The following DYNC1I1 variants were observed in gnomAD, a reference collection of about 807,000 sequenced individuals.
DYNC1I1 encodes the protein dynein cytoplasmic 1 intermediate chain 1, also known as cytoplasmic dynein 1 intermediate chain 1.
Under a neutral mutation model 86.6 loss-of-function variants are expected in DYNC1I1, and 43 were observed. The ratio of observed to expected loss-of-function variants is 0.50; its 90% confidence interval spans 0.39 to 0.64. DYNC1I1 has a LOEUF of 0.64. Ranked by LOEUF, DYNC1I1 falls within the 30% of genes least tolerant of loss-of-function variation. The probability of loss-of-function intolerance (pLI) is 0.00; values close to 1 mark genes in which losing one functional copy is unlikely to be tolerated. For synonymous variants in DYNC1I1, 262 were observed against 283.7 expected (o/e 0.92, Z 0.77); for missense variants, 604 against 788.8 (o/e 0.77, Z 2.81).
chr7:95,927,324 C>T (rs1791772447), intron 6 of DYNC1I1, among the ~76,000 whole-genome samples: 1 of 152,054 alleles, frequency 6.6e-6, no homozygotes, highest in African/African-American at 2.4e-5. Flanking sequence ...AGGTGACCGT[C>T]CATACAATGA....
chr7:96,068,120 A>G (rs551792366), intron 14 of DYNC1I1, among the ~76,000 whole-genome samples: 1 of 152,276 alleles, frequency 6.6e-6, no homozygotes, highest in African/African-American at 2.4e-5. Flanking sequence ...ACCCATAATT[A>G]ATACTAGACT....
At chr7:95,882,196 A>G (rs1790471299) in intron 6 of DYNC1I1, among the ~76,000 whole-genome samples, 1 of 152,158 alleles carries the variant, frequency 6.6e-6, no homozygotes, top group Non-Finnish European at 1.5e-5. Flanking sequence ...GTGAAGATAA[A>G]ATGACAAAAT....
At chr7:95,992,334 T>C (rs538886162) in intron 9 of DYNC1I1, among the ~76,000 whole-genome samples, 1 of 152,336 alleles carries the variant, frequency 6.6e-6, no homozygotes, top group Non-Finnish European at 1.5e-5. Context: ...TTACCTGTCA[T>C]GGTGCCTTAC....
At chr7:95,984,448 G>C (rs1793532477) in intron 7 of DYNC1I1, among the ~76,000 whole-genome samples, 1 of 151,802 alleles carries the variant, frequency 6.6e-6, no homozygotes, top group African/African-American at 2.4e-5. Context: ...TAGCATAATA[G>C]CATATATAAA....
chr7:95,916,832 C>T (rs1791483390), intron 6 of DYNC1I1, among the ~76,000 whole-genome samples: 1 of 152,190 alleles, frequency 6.6e-6, no homozygotes, highest in Non-Finnish European at 1.5e-5. Context: ...CTTTCAAAAA[C>T]ATGGAAATTA....
chr7:95,915,514 G>T (rs17167241), intron 6 of DYNC1I1, among the ~76,000 whole-genome samples: 1,603 of 152,270 alleles, frequency 0.011, 24 homozygotes, highest in African/African-American at 0.037. Context: ...ATACCAAGAA[G>T]AGTTATGTCC....
chr7:95,831,082 A>G (rs1400567512), intron 5 of DYNC1I1, among the ~76,000 whole-genome samples: 1 of 152,114 alleles, frequency 6.6e-6, no homozygotes, highest in African/African-American at 2.4e-5. Context: ...TTATTTTCTC[A>G]TAATTGATTT....
intron 6 of DYNC1I1, among the ~76,000 whole-genome samples, chr7:95,902,503 C>T (rs4357216): frequency 0.8 from 122,176 of 152,112 alleles, 49,781 homozygotes; most frequent in Non-Finnish European, 0.86. Context: ...GCAGTGTCCT[C>T]AGATTCTTTC....
At chr7:95,806,317 G>T (rs1325470560) in intron 2 of DYNC1I1, among the ~76,000 whole-genome samples, 1 of 152,134 alleles carries the variant, frequency 6.6e-6, no homozygotes, top group African/African-American at 2.4e-5. Flanking sequence ...GGGAAATTTG[G>T]TTCCAAATTA....
intron 6 of DYNC1I1, among the ~76,000 whole-genome samples, chr7:95,903,190 T>C (rs1791085330): frequency 6.6e-6 from 1 of 152,182 alleles, no homozygotes; most frequent in South Asian, 2.1e-4. Context: ...GTATAGTTAG[T>C]ATTTTAGTAG....
chr7:96,034,241 G>A (rs543399526), intron 12 of DYNC1I1, among the ~76,000 whole-genome samples: 1 of 152,214 alleles, frequency 6.6e-6, no homozygotes, highest in East Asian at 1.9e-4. Flanking sequence ...GAGGGCTGGA[G>A]GGATTGGTAT....
chr7:96,008,671 A>G (rs2115834426), intron 10 of DYNC1I1, among the ~76,000 whole-genome samples: 1 of 152,358 alleles, frequency 6.6e-6, no homozygotes, highest in Non-Finnish European at 1.5e-5. Flanking sequence ...TCATGTCACT[A>G]GGATGTCTAA....
intron 7 of DYNC1I1, among the ~76,000 whole-genome samples, chr7:95,978,021 T>G (rs552581812): frequency 1.2e-3 from 176 of 152,342 alleles, no homozygotes; most frequent in Admixed American, 2.5e-3. Context: ...CGCTAGTAAC[T>G]CTGCTATTAA....
chr7:95,835,012 A>G (rs1363668612), intron 5 of DYNC1I1, among the ~76,000 whole-genome samples: 1 of 122,876 alleles, frequency 8.1e-6, no homozygotes, highest in Non-Finnish European at 1.7e-5. Context: ...GCCTTCTGCT[A>G]GCTTTTGAAT....
intron 16 of DYNC1I1, among the ~76,000 whole-genome samples, chr7:96,081,580 T>G (rs1790521246): frequency 1.3e-5 from 2 of 152,206 alleles, no homozygotes; most frequent in Non-Finnish European, 2.9e-5. Context: ...TGGCATAATA[T>G]GAATCTAACA....
At chr7:95,842,964 A>T (rs1789327469) in intron 5 of DYNC1I1, among the ~76,000 whole-genome samples, 1 of 152,140 alleles carries the variant, frequency 6.6e-6, no homozygotes. Context: ...TAGTAAATTA[A>T]CTTTGACCAA....
rs536415022 is a variant in DYNC1I1 at position 96,095,826 on chromosome 7, T to C, written c.1777-1657T>C. 2.0e-5 allele frequency among the ~76,000 whole-genome samples: 3 copies of C among 152,014 alleles called. No individual in the cohort carries two copies. The East Asian group carries it at 5.8e-4, about 29-fold the overall frequency. On this transcript the variant is annotated intron_variant, in intron 16 of 16. Transcript: ENST00000447467. ...TTTCCAGGTGGAGTATTTTCTAAAA[T>C]TGAAGAAAAAAAATGAAGAATCGTG...
intron 6 of DYNC1I1, among the ~76,000 whole-genome samples, chr7:95,923,768 G>A (rs554411028): frequency 6.6e-6 from 1 of 152,050 alleles, no homozygotes; most frequent in Non-Finnish European, 1.5e-5. Context: ...TAAACAAGAT[G>A]CACCCATTCA....
In DYNC1I1 at chr7:96,098,222, G is replaced by A. The variant is rs1791072946; in HGVS notation, c.*629G>A. ...AAGTTCCACATAGCAATTACAGTAT[G>A]CCAGTTCCACTGAAGACATGAAATC... On this transcript the variant is annotated 3_prime_UTR_variant, in exon 17 of 17. Transcript: ENST00000447467. The A allele has an allele frequency of 3.0e-6, 3 of 985,882 alleles. No homozygotes were observed. The highest frequency in any genetic ancestry group is 2.4e-6 in the Non-Finnish European group (2 of 829,942). 61.1% of individuals were successfully genotyped at this position (985,882 alleles called of 1,614,324 possible). A position where few individuals can be genotyped will look rare whatever the true frequency, so the allele number is the denominator to read the frequency against.
Sources: allele counts gnomAD v4.1 joint callset (sites outside exome capture counted in the v4.1 genomes callset), GRCh38; gene constraint gnomAD v4.1.1; transcripts MANE v1.5; gene names NCBI Gene and HGNC (gene_info 2026-07-23, HGNC 2026-07-21).